ELMOD1: variants seen among roughly 807,000 people sequenced by gnomAD.
ELMOD1 encodes the protein ELMO domain containing 1, also known as ELMO domain-containing protein 1.
A neutral mutation model predicts 46.7 loss-of-function variants in ELMOD1; 21 were observed. That is an observed-to-expected ratio of 0.45 (90% CI 0.32 to 0.65). ELMOD1 has a LOEUF of 0.65. ELMOD1 is among the 30% of genes least tolerant of loss of function. The pLI, the probability that ELMOD1 is intolerant of heterozygous loss-of-function variation, is 0.04. For missense variants in ELMOD1, 348 were observed against 407.8 expected, an observed-to-expected ratio of 0.85 and a Z score of 1.26; for synonymous variants, 122 against 138.2, an observed-to-expected ratio of 0.88 and a Z score of 0.82.
intron 6 of ELMOD1, among the ~76,000 whole-genome samples, chr11:107,645,089 ATT>A (rs11390120): frequency 6.8e-5 from 7 of 103,188 alleles, no homozygotes; most frequent in African/African-American, 1.5e-4. Context: ...TGCCTGGCTA[ATT>A]TTTTTTTTTT....
At chr11:107,636,422 C>A (rs1866230437) in intron 6 of ELMOD1, among the ~76,000 whole-genome samples, 1 of 152,160 alleles carries the variant, frequency 6.6e-6, no homozygotes, top group African/African-American at 2.4e-5. Context: ...TAAGACCCCA[C>A]AATAATTAAG....
intron 10 of ELMOD1, 67 bp downstream of exon 10, chr11:107,654,289 T>A (rs1231348856): frequency 8.8e-6 from 12 of 1,368,220 alleles, no homozygotes; most frequent in Non-Finnish European, 1.2e-5. Flanking sequence ...AACTAGAGTA[T>A]CATGAAAGAC....
chr11:107,606,900 GA>G (rs764674953), intron 1 of ELMOD1, among the ~76,000 whole-genome samples: 2 of 152,018 alleles, frequency 1.3e-5, no homozygotes, highest in Non-Finnish European at 2.9e-5. Context: ...TTAACAAAGA[GA>G]GTAAATTTCA....
At chr11:107,640,572 A>G (rs1180508462) in intron 6 of ELMOD1, among the ~76,000 whole-genome samples, 1 of 152,178 alleles carries the variant, frequency 6.6e-6, no homozygotes, top group Non-Finnish European at 1.5e-5. Flanking sequence ...AATACAGTAT[A>G]AATTATTCCC....
At chr11:107,604,057 T>C (rs946293822) in intron 1 of ELMOD1, among the ~76,000 whole-genome samples, 2 of 151,960 alleles carry the variant, frequency 1.3e-5, no homozygotes, top group Admixed American at 6.6e-5. Flanking sequence ...AAAATGGAGC[T>C]TGGAGTAGAG....
At chr11:107,655,465 G>A (rs1866610835) in intron 10 of ELMOD1, among the ~76,000 whole-genome samples, 1 of 151,422 alleles carries the variant, frequency 6.6e-6, no homozygotes. Context: ...GAAATTTTCT[G>A]CTAAATTACA....
intron 1 of ELMOD1, among the ~76,000 whole-genome samples, chr11:107,615,181 C>CAAAGATAGT (rs992061987): frequency 4.2e-5 from 6 of 143,224 alleles, no homozygotes; most frequent in Non-Finnish European, 9.1e-5. Context: ...AGAAAAGCTA[C>CAAAGATAGT]AAAGATAGTA....
At chr11:107,616,360 A>G (rs1865863087) in intron 1 of ELMOD1, among the ~76,000 whole-genome samples, 1 of 150,958 alleles carries the variant, frequency 6.6e-6, no homozygotes, top group Non-Finnish European at 1.5e-5. Flanking sequence ...TCCAGTTTAT[A>G]TTTAAGGGAT....
chr11:107,597,714 A>G (rs998560071), intron 1 of ELMOD1, among the ~76,000 whole-genome samples: 1 of 152,176 alleles, frequency 6.6e-6, no homozygotes, highest in African/African-American at 2.4e-5. Flanking sequence ...GTATGATTTT[A>G]TTCTTTTCCA....
chr11:107,656,098 G>A, intron 11 of ELMOD1, 32 bp downstream of exon 11: 1 of 1,549,186 alleles, frequency 6.5e-7, no homozygotes, highest in Non-Finnish European at 8.7e-7. Flanking sequence ...TATCAATATA[G>A]GTTTCTACGC....
intron 6 of ELMOD1, among the ~76,000 whole-genome samples, chr11:107,640,345 C>T (rs1007067997): frequency 2.6e-5 from 4 of 152,114 alleles, no homozygotes; most frequent in Non-Finnish European, 5.9e-5. Context: ...TTACTATTCC[C>T]ATTGGTTTAC....
chr11:107,609,134 G>A (rs1224658852), intron 1 of ELMOD1, among the ~76,000 whole-genome samples: 1 of 152,180 alleles, frequency 6.6e-6, no homozygotes, highest in Non-Finnish European at 1.5e-5. Context: ...GATTAAGTGA[G>A]TTAATACTAG....
intron 2 of ELMOD1, among the ~76,000 whole-genome samples, chr11:107,621,826 A>G (rs897748024): frequency 2.7e-5 from 4 of 149,324 alleles, no homozygotes; most frequent in Admixed American, 2.7e-4. Context: ...CAGGAGTTCA[A>G]GACCAGCCTG....
chr11:107,644,908 G>GTTTTT (rs35769494), intron 6 of ELMOD1, among the ~76,000 whole-genome samples: 2 of 127,008 alleles, frequency 1.6e-5, no homozygotes, highest in Non-Finnish European at 1.5e-5. Flanking sequence ...TTCCTAAAGG[G>GTTTTT]TTTTTGTTTT....
intron 6 of ELMOD1, among the ~76,000 whole-genome samples, chr11:107,645,846 T>C (rs1419416920): frequency 1.3e-5 from 2 of 152,244 alleles, no homozygotes; most frequent in African/African-American, 2.4e-5. Flanking sequence ...ATTAGCTTAA[T>C]GTATAAAATA....
chr11:107,660,266 A>C (rs1041014921), intron 11 of ELMOD1, among the ~76,000 whole-genome samples: 2 of 152,206 alleles, frequency 1.3e-5, no homozygotes, highest in Admixed American at 1.3e-4. Flanking sequence ...GGAGTCAGAG[A>C]GCCAAATTAG....
rs544223433 is a variant in ELMOD1 at position 107,606,562 on chromosome 11, C to T, written c.-85-11543C>T. ...TTAAAACTACATTGGCGGCAGAGCG[C>T]GGTGGCTCATGCCTATAATCCCAGC... On this transcript the variant is annotated intron_variant, in intron 1 of 11. Coordinates refer to ENST00000265840, the MANE Select transcript of ELMOD1 (RefSeq NM_018712.4). Among the ~76,000 whole-genome samples, 15 of 152,322 alleles carry T rather than the reference C, an allele frequency of 9.8e-5. No homozygotes were observed. The East Asian group carries it at 1.2e-3, about 12-fold the overall frequency.
chr11:107,592,349 C>G (rs1204746981), intron 1 of ELMOD1: 2 of 534,064 alleles, frequency 3.7e-6, no homozygotes, highest in African/African-American at 1.9e-5. Flanking sequence ...CCCAGTGGGC[C>G]GTAGATTGGT....
intron 1 of ELMOD1, chr11:107,591,825 C>A (rs1033988150): frequency 2.1e-6 from 1 of 472,670 alleles, no homozygotes; most frequent in Non-Finnish European, 4.4e-6. Flanking sequence ...GAACCCCTTG[C>A]CTTGTGGGCT....
Sources: gnomAD v4.1 joint callset for allele counts (sites outside exome capture counted in the v4.1 genomes callset) on GRCh38, gnomAD v4.1.1 for gene constraint, MANE v1.5 for transcripts, NCBI Gene and HGNC (gene_info 2026-07-23, HGNC 2026-07-21) for gene names.